The following SRC variants were observed in gnomAD, a reference collection of about 807,000 sequenced individuals.
The protein encoded by SRC is proto-oncogene tyrosine-protein kinase Src.
SRC carries 13 observed loss-of-function variants against 62.9 expected under a neutral mutation model. The observed-to-expected ratio is 0.21, with a 90% CI of 0.13 to 0.33. The LOEUF is 0.33. Ranked by LOEUF, SRC falls within the 10% of genes least tolerant of loss-of-function variation. The pLI is 1.00. For missense variants in SRC, 457 were observed against 737.3 expected, an observed-to-expected ratio of 0.62 and a Z score of 4.40; for synonymous variants, 302 against 317.5, an observed-to-expected ratio of 0.95 and a Z score of 0.52.
chr20:37,386,526 G>T, intron 5 of SRC: 1 of 708,868 alleles, frequency 1.4e-6, no homozygotes, highest in South Asian at 1.5e-5. Flanking sequence ...GCTTCGCGGG[G>T]GGTGGGGGCT....
At chr20:37,372,448 TGAG>T (rs1168107254) in intron 2 of SRC, among the ~76,000 whole-genome samples, 2 of 152,244 alleles carry the variant, frequency 1.3e-5, no homozygotes, top group Admixed American at 6.5e-5. Context: ...CACTGGTAAT[TGAG>T]GAGCGTGTTG....
At chr20:37,379,566 A>G (rs1369483098) in intron 2 of SRC, among the ~76,000 whole-genome samples, 1 of 151,926 alleles carries the variant, frequency 6.6e-6, no homozygotes, top group Non-Finnish European at 1.5e-5. Context: ...TCTACTAAAA[A>G]TACCAGAATT....
intron 2 of SRC, among the ~76,000 whole-genome samples, chr20:37,372,169 C>CGTGT (rs146413088): frequency 2.8e-5 from 4 of 143,566 alleles, no homozygotes; most frequent in African/African-American, 1.1e-4. Flanking sequence ...GACGATTTTT[C>CGTGT]GTGTGTGTGT....
intron 1 of SRC, among the ~76,000 whole-genome samples, chr20:37,354,281 T>C (rs1419369038): frequency 6.6e-6 from 1 of 152,166 alleles, no homozygotes; most frequent in Non-Finnish European, 1.5e-5. Context: ...AGCCTCCTTG[T>C]CCACCTGCTT....
upstream of SRC, chr20:37,344,836 G>C (rs1465593934): frequency 6.6e-6 from 1 of 152,310 alleles, no homozygotes; most frequent in African/African-American, 2.4e-5. Flanking sequence ...ACACTGGTCA[G>C]TTCCAACCTT....
intron 2 of SRC, among the ~76,000 whole-genome samples, chr20:37,371,387 CTT>C (rs1460007335): frequency 4.6e-5 from 7 of 152,116 alleles, no homozygotes. Context: ...ATAGTAGTCT[CTT>C]ATAATCTTTG....
intron 2 of SRC, among the ~76,000 whole-genome samples, chr20:37,367,281 T>C (rs2070078982): frequency 6.6e-6 from 1 of 151,010 alleles, no homozygotes; most frequent in African/African-American, 2.4e-5. Flanking sequence ...GGTCTCACCG[T>C]GTTGCCCAGG....
chr20:37,385,747 A>G (rs1342171841), intron 4 of SRC, among the ~76,000 whole-genome samples: 1 of 152,228 alleles, frequency 6.6e-6, no homozygotes, highest in African/African-American at 2.4e-5. Context: ...TGGAAACAAA[A>G]CAAAGATGCT....
rs1242378998 is a variant in SRC at position 37,384,543 on chromosome 20, C to CGGGGGGGGGG, written c.250+146_250+147insGGGGGGGGGG. 3.6e-5 allele frequency: 6 copies of CGGGGGGGGGG among 165,150 alleles called. No homozygotes were observed. Among genetic ancestry groups the CGGGGGGGGGG allele is most frequent in the African/African-American group, 2.5e-4 (5 of 19,688 alleles). 10.2% of individuals were successfully genotyped at this position (165,150 alleles called of 1,614,324 possible). On this transcript the variant is annotated intron_variant, in intron 4 of 13. Transcript: ENST00000373578. The surrounding 1 kb of genome is among the most constrained non-coding windows in gnomAD (Gnocchi z 6.7). ...AGCGCCCCTGGGTGACTTGGGTGTC[C>CGGGGGGGGGG]GGGGGGTGGGGGGGCGGCCGTACAC... is the stretch of plus-strand genomic sequence containing the variant.
chr20:37,386,619 C>A lies in SRC; in HGVS notation c.350+445C>A, dbSNP rs1048769667. The A allele has an allele frequency of 3.9e-5, 26 of 660,970 alleles. No individual in the cohort carries two copies. In the East Asian group the frequency reaches 5.4e-4, roughly 14 times the overall value. The allele number at this position is 660,970 out of a possible 1,614,324, so 40.9% of individuals were successfully genotyped here. On this transcript the variant is annotated intron_variant, in intron 5 of 13. Transcript: ENST00000373578. ...TCACCTCCCAGCTTCTCCCCTCCCCCCTCCACCAATTTGATTAGGTCCTGG... is the reference window on the plus strand; with the variant it reads ...TCACCTCCCAGCTTCTCCCCTCCCCACTCCACCAATTTGATTAGGTCCTGG...
intron 2 of SRC, among the ~76,000 whole-genome samples, chr20:37,368,632 A>G (rs1450980243): frequency 8.1e-6 from 1 of 123,740 alleles, no homozygotes; most frequent in Non-Finnish European, 1.6e-5. Context: ...GGCTCACTGC[A>G]AGCTCCGCCT....
intron 2 of SRC, among the ~76,000 whole-genome samples, chr20:37,371,112 C>T (rs2070159265): frequency 1.3e-5 from 2 of 151,994 alleles, no homozygotes; most frequent in African/African-American, 4.8e-5. Context: ...CTTCAGCCTC[C>T]TGAGTAGCTG....
intron 3 of SRC, chr20:37,383,632 T>C (rs1483994203): frequency 6.4e-6 from 1 of 155,394 alleles, no homozygotes; most frequent in Non-Finnish European, 1.4e-5. Flanking sequence ...CCTTTACGGA[T>C]GGATGCCATC....
chr20:37,366,781 T>C (rs539837100), intron 2 of SRC, among the ~76,000 whole-genome samples: 55 of 152,362 alleles, frequency 3.6e-4, no homozygotes, highest in African/African-American at 1.3e-3. Context: ...ATTCATCAGT[T>C]GATGGACATT....
chr20:37,394,869 A>G (rs2070615641), intron 7 of SRC, among the ~76,000 whole-genome samples: 1 of 152,120 alleles, frequency 6.6e-6, no homozygotes, highest in South Asian at 2.1e-4. Flanking sequence ...ATTTACGAGC[A>G]GTCGTGCAGC....
intron 2 of SRC, among the ~76,000 whole-genome samples, chr20:37,371,681 A>G (rs1568627016): frequency 2.6e-5 from 4 of 151,720 alleles, no homozygotes; most frequent in African/African-American, 7.3e-5. Flanking sequence ...TTGATTTGAA[A>G]TCTTTCTTAT....
At chr20:37,375,237 C>CT (rs113896638) in intron 2 of SRC, among the ~76,000 whole-genome samples, 9,443 of 139,252 alleles carry the variant, frequency 0.068, 349 homozygotes, top group Middle Eastern at 0.085. Context: ...GGCCTCTTTC[C>CT]TTTTTTTTTT....
Position 37,403,644 on chromosome 20 carries a change from G to A in SRC, c.*265G>A. The A allele has an allele frequency of 1.9e-6, 1 of 521,526 alleles. No homozygotes were observed. Among genetic ancestry groups the A allele is most frequent in the Non-Finnish European group, 3.5e-6 (1 of 288,318 alleles). The allele number at this position is 521,526 out of a possible 1,614,324, so 32.3% of individuals were successfully genotyped here. A position where few individuals can be genotyped will look rare whatever the true frequency, so the allele number is the denominator to read the frequency against. On this transcript the variant is annotated 3_prime_UTR_variant, in exon 14 of 14. Coordinates refer to ENST00000373578, the MANE Select transcript of SRC (RefSeq NM_198291.3). This position sits in a 1 kb window ranked among gnomAD's most constrained non-coding sequence, Gnocchi z 7.1. ...ACGCCTCTCCCTGCACTCCCTCCTG[G>A]AGCTCTGTGGGTCTCTGGAAGAGGA...
Position 37,404,344 on chromosome 20 carries a change from A to G in SRC, c.*965A>G, listed in dbSNP as rs989690079. 3.4e-5 allele frequency: 8 copies of G among 233,458 alleles called. No individual in the cohort carries two copies. Among genetic ancestry groups the G allele is most frequent in the African/African-American group, 1.3e-4 (6 of 45,324 alleles). The allele number at this position is 233,458 out of a possible 1,614,324, so 14.5% of individuals were successfully genotyped here. A position where few individuals can be genotyped will look rare whatever the true frequency, so the allele number is the denominator to read the frequency against. On this transcript the variant is annotated 3_prime_UTR_variant, in exon 14 of 14. Coordinates refer to ENST00000373578, the MANE Select transcript of SRC (RefSeq NM_198291.3). ...TGCAGGTGTGGAGAGAGAGGCTTCA[A>G]TCGGCTTGTGGGTGATGTTTGACCT...
Sources: allele counts gnomAD v4.1 joint callset (sites outside exome capture counted in the v4.1 genomes callset), GRCh38; gene constraint gnomAD v4.1.1; non-coding constraint Gnocchi (gnomAD v3.1); transcripts MANE v1.5; gene names NCBI Gene and HGNC (gene_info 2026-07-23, HGNC 2026-07-21).